The following PTPRJ variants were observed in gnomAD, a reference collection of about 807,000 sequenced individuals.
PTPRJ encodes the protein receptor-type tyrosine-protein phosphatase eta.
In PTPRJ, 129 loss-of-function variants were observed where a neutral mutation model predicts 141.3. That is an observed-to-expected ratio of 0.91 (90% CI 0.79 to 1.06). The LOEUF (loss-of-function observed/expected upper bound fraction) is 1.06. Ranked by LOEUF, PTPRJ falls within the 50% of genes least tolerant of loss-of-function variation. The pLI is 0.00. For missense variants in PTPRJ, 1,601 were observed against 1,679.7 expected (o/e 0.95, Z 0.82); for synonymous variants, 610 against 640.5 (o/e 0.95, Z 0.72).
At chr11:47,987,857 T>TC (rs1317851090) in intron 1 of PTPRJ, among the ~76,000 whole-genome samples, 1 of 152,158 alleles carries the variant, frequency 6.6e-6, no homozygotes, top group Non-Finnish European at 1.5e-5. Context: ...AATGGTAGGA[T>TC]AAGGGGTGGT....
At chr11:48,049,660 G>A (rs1457997614) in intron 1 of PTPRJ, among the ~76,000 whole-genome samples, 1 of 150,522 alleles carries the variant, frequency 6.6e-6, no homozygotes, top group African/African-American at 2.5e-5. Context: ...ATTGCAGTGA[G>A]CCGAGATCGC....
intron 1 of PTPRJ, among the ~76,000 whole-genome samples, chr11:47,993,546 G>T (rs1440080704): frequency 6.6e-6 from 1 of 151,982 alleles, no homozygotes; most frequent in African/African-American, 2.4e-5. Flanking sequence ...TCCCATCTTG[G>T]CCTCCCAAAG....
chr11:48,073,405 C>T (rs1306528063), intron 1 of PTPRJ, among the ~76,000 whole-genome samples: 2 of 152,240 alleles, frequency 1.3e-5, no homozygotes, highest in African/African-American at 4.8e-5. Flanking sequence ...TCGTCCTGCC[C>T]TTTGATCCAT....
chr11:48,132,321 G>C, intron 8 of PTPRJ: 1 of 980,666 alleles, frequency 1.0e-6, no homozygotes, highest in Non-Finnish European at 1.2e-6. Flanking sequence ...GGATTGCTTG[G>C]CCCAACAGTT....
intron 10 of PTPRJ, 115 bp downstream of exon 10, chr11:48,137,396 T>C: frequency 2.5e-6 from 3 of 1,195,820 alleles, no homozygotes; most frequent in South Asian, 1.5e-5. Context: ...GTGATGGACA[T>C]TGAGCTTTCC....
intron 1 of PTPRJ, among the ~76,000 whole-genome samples, chr11:48,105,125 G>A (rs754217826): frequency 2.6e-5 from 4 of 152,070 alleles, no homozygotes; most frequent in Admixed American, 6.6e-5. Flanking sequence ...GGGTCACTAT[G>A]TTGTTTTCTC....
chr11:48,153,865 C>T lies in PTPRJ; in HGVS notation c.3208C>T (p.Arg1070Cys), dbSNP rs768808377. The T allele has an allele frequency of 9.3e-6, 15 of 1,612,476 alleles. No individual in the cohort carries two copies. The highest frequency in any genetic ancestry group is 2.2e-5 in the South Asian group (2 of 91,034). The change falls in exon 19 of 25, where the codon CGC becomes TGC. Residue 1070 changes from arginine to cysteine, a missense_variant. Coordinates refer to ENST00000418331, the MANE Select transcript of PTPRJ (RefSeq NM_002843.4). ...ACTGGCTGAGAATAGAGGAAAGAAT[C>T]GCTATAATAATGTTCTGCCCTGTAA... ...AELAENRGKN[R>C]YNNVLPYDIS... is the part of the protein sequence containing the mutation.
chr11:48,019,022 G>T (rs1855030228), intron 1 of PTPRJ, among the ~76,000 whole-genome samples: 1 of 151,986 alleles, frequency 6.6e-6, no homozygotes, highest in Non-Finnish European at 1.5e-5. Context: ...TGTGTGTGTT[G>T]TGTGTGTGTG....
intron 1 of PTPRJ, among the ~76,000 whole-genome samples, chr11:48,053,291 A>G (rs1216093382): frequency 2.2e-5 from 2 of 91,772 alleles, no homozygotes; most frequent in African/African-American, 9.0e-5. Flanking sequence ...ATATATAAAA[A>G]TATATAAAAT....
intron 1 of PTPRJ, among the ~76,000 whole-genome samples, chr11:48,009,727 G>A (rs943494844): frequency 1.3e-5 from 2 of 152,270 alleles, no homozygotes; most frequent in South Asian, 2.1e-4. Flanking sequence ...GCTCTGCCAC[G>A]TAACTGCTAT....
chr11:48,003,050 A>G (rs1256379580), intron 1 of PTPRJ, among the ~76,000 whole-genome samples: 1 of 152,200 alleles, frequency 6.6e-6, no homozygotes, highest in East Asian at 1.9e-4. Context: ...TATTTAAGAT[A>G]ATTATATTCA....
In PTPRJ at chr11:48,139,675, C is replaced by G. The variant is rs774943725; in HGVS notation, c.2342C>G (p.Thr781Arg). The G allele has an allele frequency of 6.2e-7, 1 of 1,614,154 alleles. No individual in the cohort carries two copies. The highest frequency in any genetic ancestry group is 8.5e-7 in the Non-Finnish European group (1 of 1,180,026). ...GGCACTGAGTATAGAACGGAAGTCACGTATTTGAATTTTTCTACCTCGTAC... is the reference window on the plus strand; with the variant it reads ...GGCACTGAGTATAGAACGGAAGTCAGGTATTTGAATTTTTCTACCTCGTAC... ...ENGTEYRTEV[T>R]YLNFSTSYNI... is the part of the protein sequence containing the mutation. The change falls in exon 11 of 25, where the codon ACG becomes AGG. Residue 781 changes from threonine to arginine, a missense_variant. Coordinates refer to ENST00000418331, the MANE Select transcript of PTPRJ (RefSeq NM_002843.4).
In PTPRJ at chr11:48,128,004, G is replaced by A; in HGVS notation, c.1318G>A (p.Asp440Asn). 1 of 1,613,826 alleles carries A rather than the reference G, an allele frequency of 6.2e-7. No homozygotes were observed. The highest frequency in any genetic ancestry group is 8.5e-7 in the Non-Finnish European group (1 of 1,179,722). ...CATCACAGTGTGTCCTGTCCTAGGT[G>A]ACATCGAGGGCACGCCGGGCTTCCT... ...YNITVCPVLG[D>N]IEGTPGFLQV... Residue 440 changes from aspartate (D) to asparagine (N), a missense_variant, in exon 7 of 25, where the codon GAC (aspartate) becomes AAC (asparagine). Asp to Asn is a conservative substitution (Grantham distance 23, BLOSUM62 1). Coordinates refer to ENST00000418331, the MANE Select transcript of PTPRJ (RefSeq NM_002843.4).
chr11:48,116,234 T>C (rs1856563996), intron 3 of PTPRJ, among the ~76,000 whole-genome samples: 1 of 152,114 alleles, frequency 6.6e-6, no homozygotes, highest in Non-Finnish European at 1.5e-5. Context: ...AAAAAGATAC[T>C]CCATGCTAAT....
intron 1 of PTPRJ, among the ~76,000 whole-genome samples, chr11:48,060,901 A>G (rs537396476): frequency 2.9e-4 from 44 of 152,206 alleles, no homozygotes; most frequent in Admixed American, 1.6e-3. Flanking sequence ...GCTGCCCCCA[A>G]ATTGCTCTTG....
chr11:48,146,824 T>C, intron 14 of PTPRJ, 52 bp from the exon 15 acceptor site: 2 of 1,476,946 alleles, frequency 1.4e-6, no homozygotes, highest in Non-Finnish European at 1.9e-6. Context: ...TAGCACATTG[T>C]GTGGTCTGCA....
intron 1 of PTPRJ, among the ~76,000 whole-genome samples, chr11:48,040,763 G>A (rs539922562): frequency 6.6e-6 from 1 of 151,902 alleles, no homozygotes; most frequent in African/African-American, 2.4e-5. Context: ...CACCATGCCC[G>A]GCTAATTTTT....
Position 48,139,748 on chromosome 11 carries a change from C to G in PTPRJ, c.2415C>G (p.Thr805=), listed in dbSNP as rs1217413717. 6.2e-7 allele frequency: 1 copy of G among 1,614,010 alleles called. No homozygotes were observed. The highest frequency in any genetic ancestry group is 1.7e-5 in the Admixed American group (1 of 60,002). ...CCTGTGGAAAGATGGCAGCCCCCAC[C>G]CGGAACACCTGCACTACTGGCATCA... ...TVSCGKMAAP[T]RNTCTTGITD... The change falls in exon 11 of 25, where the codon ACC becomes ACG. Residue 805 remains threonine (T), a synonymous_variant. Coordinates refer to ENST00000418331, the MANE Select transcript of PTPRJ (RefSeq NM_002843.4).
intron 10 of PTPRJ, 31 bp downstream of exon 10, chr11:48,137,312 C>T: frequency 6.3e-7 from 1 of 1,599,986 alleles, no homozygotes; most frequent in Non-Finnish European, 8.5e-7. Context: ...CTCTTGGACT[C>T]CTCCCTGAGT....
Sources: allele counts gnomAD v4.1 joint callset (sites outside exome capture counted in the v4.1 genomes callset), GRCh38; gene constraint gnomAD v4.1.1; transcripts MANE v1.5; gene names NCBI Gene and HGNC (gene_info 2026-07-23, HGNC 2026-07-21).